The following GARIN6 variants were observed in gnomAD, a reference collection of about 807,000 sequenced individuals.
The protein encoded by GARIN6 is Golgi-associated RAB2 interactor protein 6.
At chr12:99,648,850 C>T in the GARIN6 span, 1 of 1,524,998 alleles carries the variant, frequency 6.6e-7, no homozygotes, top group South Asian at 1.3e-5. Flanking sequence ...GGTACAGGTC[C>T]TGTAAAGCCT....
the GARIN6 span, chr12:99,648,358 G>A: frequency 2.2e-5 from 35 of 1,614,142 alleles, no homozygotes; most frequent in East Asian, 1.3e-4. Context: ...AGTGATTGAC[G>A]TGCACAACCG....
chr12:99,648,852 G>A, the GARIN6 span: 2 of 1,523,388 alleles, frequency 1.3e-6, no homozygotes, highest in East Asian at 4.6e-5. Context: ...TACAGGTCCT[G>A]TAAAGCCTTT....
chr12:99,648,933 G>A, the GARIN6 span: 5 of 1,189,390 alleles, frequency 4.2e-6, no homozygotes, highest in Non-Finnish European at 5.7e-6. Flanking sequence ...TCCATTTGGA[G>A]GCCATGGTAC....
chr12:99,648,150 G>A, the GARIN6 span: 1 of 1,586,156 alleles, frequency 6.3e-7, no homozygotes, highest in Non-Finnish European at 8.6e-7. Flanking sequence ...CAGCTGCTGG[G>A]AACTGTCTTG....
the GARIN6 span, chr12:99,648,489 G>A: frequency 6.2e-7 from 1 of 1,614,154 alleles, no homozygotes; most frequent in Non-Finnish European, 8.5e-7. Context: ...CTGCCACCCA[G>A]AAAAGAGAAA....
chr12:99,648,066 C>T, the GARIN6 span: 4 of 1,455,126 alleles, frequency 2.7e-6, no homozygotes, highest in East Asian at 2.3e-5. Context: ...CTGCAGAACA[C>T]GACTGCTGGC....
the GARIN6 span, chr12:99,649,517 C>A: frequency 1.3e-6 from 1 of 745,524 alleles, no homozygotes. Flanking sequence ...ACAGTAAGCA[C>A]CACCACAGGT....
the GARIN6 span, chr12:99,648,413 T>G: frequency 6.2e-7 from 1 of 1,614,148 alleles, no homozygotes; most frequent in Non-Finnish European, 8.5e-7. Context: ...AGCCCCTGCC[T>G]CACACTACCT....
the GARIN6 span, among the ~76,000 whole-genome samples, chr12:99,648,972 G>T: frequency 6.6e-6 from 1 of 152,080 alleles, no homozygotes; most frequent in Admixed American, 6.5e-5. Context: ...GCTTCTCCAG[G>T]GTTCTCCAAG....
At chr12:99,648,790 G>T in the GARIN6 span, 1 of 1,608,392 alleles carries the variant, frequency 6.2e-7, no homozygotes, top group Admixed American at 1.7e-5. Context: ...GAGCCCAGTG[G>T]TGAGTCTATG....
chr12:99,649,322 A>G, the GARIN6 span: 1 of 1,614,164 alleles, frequency 6.2e-7, no homozygotes, highest in Admixed American at 1.7e-5. Context: ...GAGAAGGAGC[A>G]ATTCAGAATC....
the GARIN6 span, chr12:99,649,178 C>T: frequency 3.5e-4 from 307 of 864,936 alleles, no homozygotes; most frequent in African/African-American, 4.5e-3. Context: ...TTGGTGGCAA[C>T]ACAACATGTT....
At chr12:99,649,209 T>C in the GARIN6 span, 4 of 1,106,170 alleles carry the variant, frequency 3.6e-6, no homozygotes, top group Non-Finnish European at 5.5e-6. Context: ...TGCAATAATT[T>C]CTTTTTGTTG....
chr12:99,649,416 C>T, the GARIN6 span: 2 of 1,579,294 alleles, frequency 1.3e-6, no homozygotes, highest in Non-Finnish European at 1.7e-6. Context: ...ATACCTCCCA[C>T]ATATACTACG....
chr12:99,648,829 G>T, the GARIN6 span: 4 of 1,572,530 alleles, frequency 2.5e-6, no homozygotes, highest in African/African-American at 2.7e-5. Flanking sequence ...TGGATGCTTT[G>T]GGGGAGAGCA....
chr12:99,649,246 CTTGCTGGTCTCACTGTCT>C, the GARIN6 span: 10 of 1,438,570 alleles, frequency 7.0e-6, no homozygotes, highest in Non-Finnish European at 9.8e-6. Context: ...GAAAGGAGAT[CTTGCTGGTCTCACTGTCT>C]TTGCTTATTT....
At chr12:99,649,416 C>A in the GARIN6 span, 1 of 1,579,294 alleles carries the variant, frequency 6.3e-7, no homozygotes, top group South Asian at 1.1e-5. Context: ...ATACCTCCCA[C>A]ATATACTACG....
At chr12:99,649,195 C>T in the GARIN6 span, 5 of 973,614 alleles carry the variant, frequency 5.1e-6, no homozygotes, top group South Asian at 7.1e-5. Context: ...TGTTTGTGTA[C>T]TTGTGCAATA....
the GARIN6 span, chr12:99,649,278 C>T: frequency 6.2e-7 from 1 of 1,606,638 alleles, no homozygotes; most frequent in Non-Finnish European, 8.5e-7. Context: ...CTTATTTGTT[C>T]TCTCCCTAGG....
Sources: allele counts gnomAD v4.1 joint callset (sites outside exome capture counted in the v4.1 genomes callset), GRCh38; gene constraint gnomAD v4.1.1; transcripts MANE v1.5; gene names NCBI Gene and HGNC (gene_info 2026-07-23, HGNC 2026-07-21).